The following NOL10 variants were observed in gnomAD, a reference collection of about 807,000 sequenced individuals.
NOL10 encodes the protein nucleolar protein 10.
NOL10 carries 58 observed loss-of-function variants against 103.5 expected under a neutral mutation model. The observed-to-expected ratio is 0.56, with a 90% confidence interval of 0.45 to 0.70. NOL10 has a LOEUF of 0.70. Among genes scored for constraint, NOL10 ranks in the 30% least tolerant of loss-of-function variants. The probability of loss-of-function intolerance (pLI) is 0.00; values close to 1 mark genes in which losing one functional copy is unlikely to be tolerated. For missense variants in NOL10, 763 were observed against 807.3 expected (o/e 0.95, Z 0.67); for synonymous variants, 287 against 282.5 (o/e 1.02, Z -0.16).
intron 20 of NOL10, among the ~76,000 whole-genome samples, chr2:10,575,313 CAT>C (rs1674398780): frequency 1.3e-5 from 2 of 152,288 alleles, no homozygotes; most frequent in African/African-American, 2.4e-5. Context: ...CATATGCAAA[CAT>C]AGGAAAAACT....
In NOL10 at chr2:10,644,375, A is replaced by C. The variant is rs1678918654; in HGVS notation, c.974-3T>G. The stretch of plus-strand genomic sequence containing the variant: ...TTCATTGGCCGTCAGAAGCATGCCT[A>C]AAAATAAATACAATGAAAAAGGTCA... On this transcript the variant is annotated splice_polypyrimidine_tract_variant and splice_region_variant and intron_variant, in intron 12 of 20. Transcript: ENST00000381685. The C allele has an allele frequency of 2.0e-6, 3 of 1,532,980 alleles. No homozygotes were observed. The East Asian group carries it at 7.6e-5, about 39-fold the overall frequency. 95.0% of individuals were successfully genotyped at this position (1,532,980 alleles called of 1,614,324 possible).
chr2:10,655,831 AGT>A (rs1205665409), intron 11 of NOL10, among the ~76,000 whole-genome samples: 1 of 152,248 alleles, frequency 6.6e-6, no homozygotes, highest in African/African-American at 2.4e-5. Context: ...GAAAAAGAGC[AGT>A]GTTAGAGCAC....
intron 13 of NOL10, among the ~76,000 whole-genome samples, chr2:10,628,661 G>T (rs766737570): frequency 5.9e-5 from 9 of 152,116 alleles, no homozygotes; most frequent in Non-Finnish European, 1.2e-4. Context: ...TCTGGTGTTA[G>T]AATAGGACCA....
chr2:10,572,257 T>G, intron 20 of NOL10, 67 bp from the exon 21 acceptor site: 1 of 1,552,522 alleles, frequency 6.4e-7, no homozygotes, highest in Non-Finnish European at 8.8e-7. Context: ...CTGGTAACCG[T>G]CAGGCTGCCA....
At chr2:10,587,124 T>C (rs1318755420) in intron 19 of NOL10, among the ~76,000 whole-genome samples, 1 of 51,494 alleles carries the variant, frequency 1.9e-5, no homozygotes, top group African/African-American at 1.0e-4. Flanking sequence ...TATATACATA[T>C]ATATACATAT....
At chr2:10,683,000 G>T (rs1022188417) in intron 2 of NOL10, among the ~76,000 whole-genome samples, 4 of 152,118 alleles carry the variant, frequency 2.6e-5, no homozygotes, top group African/African-American at 9.7e-5. Context: ...GGCCAGGCTG[G>T]TCTTGAACTC....
intron 16 of NOL10, 45 bp downstream of exon 16, chr2:10,602,731 T>C (rs1558282488): frequency 8.5e-7 from 1 of 1,174,878 alleles, no homozygotes; most frequent in South Asian, 1.4e-5. Context: ...AAATGGAAAT[T>C]AAGTACTCTT....
At chr2:10,658,970 C>CTT (rs1375626216) in intron 10 of NOL10, among the ~76,000 whole-genome samples, 1 of 152,114 alleles carries the variant, frequency 6.6e-6, no homozygotes, top group Non-Finnish European at 1.5e-5. Context: ...CACTGCAGCT[C>CTT]TAAGTCCACA....
Position 10,603,068 on chromosome 2 carries a change from T to A in NOL10, c.1233+10A>T, listed in dbSNP as rs755859045. 2 of 1,594,590 alleles carry A rather than the reference T, an allele frequency of 1.3e-6. No individual in the cohort carries two copies. The highest frequency in any genetic ancestry group is 2.2e-5 in the East Asian group (1 of 44,452). ...TACCTGAAACATAATAACTGTAGTT[T>A]TCTGTTTACCTTGTGATAGAGTCTT... On this transcript the variant is annotated intron_variant, in intron 15 of 20. Coordinates refer to ENST00000381685, the MANE Select transcript of NOL10 (RefSeq NM_024894.4).
intron 13 of NOL10, among the ~76,000 whole-genome samples, chr2:10,625,626 T>C (rs545693840): frequency 6.6e-6 from 1 of 152,304 alleles, no homozygotes; most frequent in East Asian, 1.9e-4. Flanking sequence ...CAAGATCTAA[T>C]ATTCGTTCCC....
At chr2:10,653,299 A>G (rs965081991) in intron 12 of NOL10, among the ~76,000 whole-genome samples, 4 of 152,046 alleles carry the variant, frequency 2.6e-5, no homozygotes, top group Non-Finnish European at 4.4e-5. Flanking sequence ...AGCTGTGCAG[A>G]TGATTTTGAT....
At chr2:10,577,327 C>T (rs536528960) in intron 20 of NOL10, among the ~76,000 whole-genome samples, 7 of 152,212 alleles carry the variant, frequency 4.6e-5, no homozygotes, top group African/African-American at 7.2e-5. Context: ...CTTTATAAGC[C>T]GCACCTGAGG....
At chr2:10,687,528 T>C (rs187736324) in intron 1 of NOL10, among the ~76,000 whole-genome samples, 192 of 152,330 alleles carry the variant, frequency 1.3e-3, no homozygotes, top group African/African-American at 4.4e-3. Flanking sequence ...GTTCTTTCTC[T>C]CACAATTTGA....
At position 10,600,883 on chromosome 2, in the gene NOL10, C is replaced by A; in HGVS notation, c.1392G>T (p.Lys464Asn). The A allele has an allele frequency of 6.4e-7, 1 of 1,556,128 alleles. No homozygotes were observed. Among genetic ancestry groups the A allele is most frequent in the Non-Finnish European group, 8.7e-7 (1 of 1,148,706 alleles). ...ALKLIEEEEE[K>N]QKSTWKKKVK... ...CTTTCTTTTTCCATGTAGATTTCTG[C>A]TTCTCCTCTTCTTCCTCAATTAATT... The change falls in exon 17 of 21, where the codon AAG (lysine) becomes AAT (asparagine). Residue 464 changes from lysine to asparagine, a missense_variant. Coordinates refer to ENST00000381685, the MANE Select transcript of NOL10 (RefSeq NM_024894.4).
At chr2:10,672,068 C>A (rs1355685139) in intron 5 of NOL10, among the ~76,000 whole-genome samples, 2 of 152,188 alleles carry the variant, frequency 1.3e-5, no homozygotes, top group African/African-American at 4.8e-5. Context: ...TGGCTCACAC[C>A]TGTAATCCCA....
intron 20 of NOL10, among the ~76,000 whole-genome samples, chr2:10,574,628 T>G (rs867599093): frequency 7.5e-6 from 1 of 134,042 alleles, no homozygotes; most frequent in Non-Finnish European, 1.5e-5. Flanking sequence ...GCCTGGGCAA[T>G]AGAGCGAGAC....
intron 17 of NOL10, among the ~76,000 whole-genome samples, chr2:10,593,674 C>T (rs1473920720): frequency 2.6e-5 from 4 of 152,224 alleles, no homozygotes; most frequent in Admixed American, 2.6e-4. Flanking sequence ...CACACCCCAG[C>T]TCTGGAAAGC....
chr2:10,671,877 T>G (rs1400579635), intron 5 of NOL10, among the ~76,000 whole-genome samples, 187 bp from the exon 6 acceptor site: 2 of 152,206 alleles, frequency 1.3e-5, no homozygotes, highest in African/African-American at 4.8e-5. Flanking sequence ...GGCTCCTTAA[T>G]GCCTTCCTGT....
chr2:10,593,202 G>C (rs545472588), intron 17 of NOL10, among the ~76,000 whole-genome samples: 5 of 149,044 alleles, frequency 3.4e-5, no homozygotes, highest in Non-Finnish European at 6.0e-5. Flanking sequence ...GCAGTGGTGT[G>C]ATCTCGGCTC....
Sources: allele counts gnomAD v4.1 joint callset (sites outside exome capture counted in the v4.1 genomes callset), GRCh38; gene constraint gnomAD v4.1.1; transcripts MANE v1.5; gene names NCBI Gene and HGNC (gene_info 2026-07-23, HGNC 2026-07-21).